PCDH9: variants seen among roughly 807,000 people sequenced by gnomAD.
PCDH9 encodes the protein protocadherin 9.
Under a neutral mutation model 70.6 loss-of-function variants are expected in PCDH9, and 24 were observed. That is an observed-to-expected ratio of 0.34 (90% CI 0.25 to 0.48). The LOEUF is 0.48. Ranked by LOEUF, PCDH9 falls within the 20% of genes least tolerant of loss-of-function variation. The pLI is 0.99. For missense variants in PCDH9, 1,281 were observed against 1,503.6 expected (o/e 0.85, Z 2.45); for synonymous variants, 562 against 558.5 (o/e 1.01, Z -0.09).
intron 4 of PCDH9, among the ~76,000 whole-genome samples, chr13:66,582,368 G>T (rs138274821): frequency 6.6e-6 from 1 of 152,196 alleles, no homozygotes; most frequent in African/African-American, 2.4e-5. Context: ...GTCGGGCATG[G>T]TGGCCTGTAA....
chr13:67,104,349 G>A (rs1364284911), intron 2 of PCDH9, among the ~76,000 whole-genome samples: 1 of 152,094 alleles, frequency 6.6e-6, no homozygotes, highest in Non-Finnish European at 1.5e-5. Flanking sequence ...TTAGACACGT[G>A]GAGCATTGCC....
chr13:66,864,162 G>A (rs563966608), intron 3 of PCDH9, among the ~76,000 whole-genome samples: 14 of 152,208 alleles, frequency 9.2e-5, no homozygotes, highest in Middle Eastern at 3.4e-3. Context: ...AGATCTGGGT[G>A]GGGACACAGC....
intron 4 of PCDH9, among the ~76,000 whole-genome samples, chr13:66,555,308 G>T (rs1961683396): frequency 6.6e-6 from 1 of 150,802 alleles, no homozygotes; most frequent in African/African-American, 2.4e-5. Flanking sequence ...TCTTTTTATA[G>T]ATTCTCTAAT....
At chr13:66,917,392 C>T (rs961216195) in intron 2 of PCDH9, among the ~76,000 whole-genome samples, 1 of 151,422 alleles carries the variant, frequency 6.6e-6, no homozygotes, top group Non-Finnish European at 1.5e-5. Flanking sequence ...AATGACTCAC[C>T]ATATTCTAGA....
chr13:66,594,990 C>CA lies in PCDH9; in HGVS notation c.3340+36219dup, dbSNP rs59217015. 7.2e-3 allele frequency among the ~76,000 whole-genome samples: 933 copies of CA among 128,706 alleles called. 4 individuals carry two copies. The highest frequency in any genetic ancestry group is 0.015 in the South Asian group (60 of 3,930). 84.4% of individuals were successfully genotyped at this position (128,706 alleles called of 152,430 possible). ...CCTTCTTTTTCTTAGAGCATTTACT[C>CA]AAAAAAAAAAAAAAAACTTAAAATC... On this transcript the variant is annotated intron_variant, in intron 4 of 4. Coordinates refer to ENST00000377865, the MANE Select transcript of PCDH9 (RefSeq NM_203487.3).
At chr13:67,058,089 T>A (rs960670889) in intron 2 of PCDH9, among the ~76,000 whole-genome samples, 1 of 152,204 alleles carries the variant, frequency 6.6e-6, no homozygotes. Flanking sequence ...TTATATTATC[T>A]GATATTTTCT....
intron 2 of PCDH9, among the ~76,000 whole-genome samples, chr13:66,933,115 T>C (rs577636460): frequency 7.2e-5 from 11 of 152,076 alleles, no homozygotes; most frequent in African/African-American, 2.6e-4. Flanking sequence ...TACTCAGTGT[T>C]ATAGGAAACC....
At chr13:66,646,588 T>C (rs1235451597) in intron 3 of PCDH9, among the ~76,000 whole-genome samples, 1 of 152,100 alleles carries the variant, frequency 6.6e-6, no homozygotes, top group African/African-American at 2.4e-5. Flanking sequence ...TTTCTTAACA[T>C]GAAAAACTGT....
At chr13:67,199,500 C>T (rs1038109649) in intron 2 of PCDH9, among the ~76,000 whole-genome samples, 1 of 151,798 alleles carries the variant, frequency 6.6e-6, no homozygotes, top group Non-Finnish European at 1.5e-5. Context: ...AAGTGACGAA[C>T]ATTATTTGGA....
intron 2 of PCDH9, among the ~76,000 whole-genome samples, chr13:67,029,985 T>G (rs2139881976): frequency 6.6e-6 from 1 of 152,306 alleles, no homozygotes; most frequent in East Asian, 1.9e-4. Flanking sequence ...CTTTTGCTGG[T>G]TATGTGACTT....
chr13:66,545,982 C>T (rs1242583930), intron 4 of PCDH9, among the ~76,000 whole-genome samples: 1 of 151,674 alleles, frequency 6.6e-6, no homozygotes, highest in South Asian at 2.1e-4. Flanking sequence ...ACTACAGGCA[C>T]CCACCACCAT....
intron 4 of PCDH9, among the ~76,000 whole-genome samples, chr13:66,529,157 G>T (rs191215351): frequency 1.7e-4 from 26 of 152,106 alleles, no homozygotes; most frequent in Non-Finnish European, 3.8e-4. Context: ...ATGGCTAATT[G>T]CACATAAAGG....
At position 66,712,394 on chromosome 13, in the gene PCDH9, T is replaced by C. The variant is rs143052524; in HGVS notation, c.3139-80983A>G. Among the ~76,000 whole-genome samples, 165 of 152,276 alleles carry C rather than the reference T, an allele frequency of 1.1e-3. 3 individuals are homozygous for C. In the East Asian group the frequency reaches 0.03, roughly 28 times the overall value. On this transcript the variant is annotated intron_variant, in intron 3 of 4. Coordinates refer to ENST00000377865, the MANE Select transcript of PCDH9 (RefSeq NM_203487.3). ...AATATGATAGTGTTAGTTTTGATAG[T>C]CATTAAAATTCAAGCCTGAATTTAG... is the stretch of plus-strand genomic sequence containing the variant.
chr13:66,676,399 C>T, intron 3 of PCDH9, among the ~76,000 whole-genome samples: 1 of 151,804 alleles, frequency 6.6e-6, no homozygotes, highest in East Asian at 1.9e-4. Flanking sequence ...TTATACATTA[C>T]TTATTTTAAG....
chr13:66,536,241 T>C (rs1423391870), intron 4 of PCDH9, among the ~76,000 whole-genome samples: 1 of 152,066 alleles, frequency 6.6e-6, no homozygotes, highest in African/African-American at 2.4e-5. Context: ...GTCTTACACC[T>C]CAGGGAGTAC....
chr13:66,512,746 G>A (rs1348861086), intron 4 of PCDH9, among the ~76,000 whole-genome samples: 1 of 152,078 alleles, frequency 6.6e-6, no homozygotes, highest in Non-Finnish European at 1.5e-5. Flanking sequence ...ACAAACTGTA[G>A]AACTATTAAC....
intron 3 of PCDH9, among the ~76,000 whole-genome samples, chr13:66,810,683 T>G (rs2080488543): frequency 6.6e-6 from 1 of 151,946 alleles, no homozygotes; most frequent in African/African-American, 2.4e-5. Context: ...GCTTATATTA[T>G]GCTGCAAAAT....
intron 4 of PCDH9, among the ~76,000 whole-genome samples, chr13:66,616,886 AT>A (rs1052276239): frequency 6.6e-6 from 1 of 152,020 alleles, no homozygotes; most frequent in Non-Finnish European, 1.5e-5. Flanking sequence ...CCCAAGACAC[AT>A]TTTTGTCCCA....
chr13:66,698,596 C>T (rs948145141), intron 3 of PCDH9, among the ~76,000 whole-genome samples: 1 of 151,960 alleles, frequency 6.6e-6, no homozygotes, highest in Non-Finnish European at 1.5e-5. Context: ...TTTATTAATT[C>T]GAGACAGGGT....
Sources: allele counts gnomAD v4.1 joint callset (sites outside exome capture counted in the v4.1 genomes callset), GRCh38; gene constraint gnomAD v4.1.1; transcripts MANE v1.5; gene names NCBI Gene and HGNC (gene_info 2026-07-23, HGNC 2026-07-21).